INPP4B: variants seen among roughly 807,000 people sequenced by gnomAD.
The protein encoded by INPP4B is inositol polyphosphate-4-phosphatase type II B.
INPP4B carries 55 observed loss-of-function variants against 122.5 expected under a neutral mutation model. The ratio of observed to expected loss-of-function variants is 0.45; its 90% confidence interval spans 0.36 to 0.56. The LOEUF (loss-of-function observed/expected upper bound fraction) is 0.56. INPP4B is among the 20% of genes least tolerant of loss of function. The pLI is 0.00. For missense variants in INPP4B, 1,000 were observed against 1,097.7 expected, an observed-to-expected ratio of 0.91 and a Z score of 1.26; for synonymous variants, 403 against 388.7, an observed-to-expected ratio of 1.04 and a Z score of -0.43.
intron 7 of INPP4B, among the ~76,000 whole-genome samples, chr4:142,392,293 A>G (rs1282823989): frequency 6.6e-6 from 1 of 152,190 alleles, no homozygotes; most frequent in Non-Finnish European, 1.5e-5. Flanking sequence ...AAAGACTTCT[A>G]CTATCTTAAG....
At chr4:142,125,404 C>T (rs1798236293) in intron 18 of INPP4B, among the ~76,000 whole-genome samples, 1 of 151,946 alleles carries the variant, frequency 6.6e-6, no homozygotes, top group South Asian at 2.1e-4. Flanking sequence ...AAAGTTCAAA[C>T]TCATGAAAGA....
chr4:142,477,237 C>A (rs979506216), intron 2 of INPP4B, among the ~76,000 whole-genome samples: 3 of 152,136 alleles, frequency 2.0e-5, no homozygotes, highest in Non-Finnish European at 4.4e-5. Context: ...TCAAGAAATT[C>A]TTTGAAACTA....
rs573833377 is a variant in INPP4B, at chr4:142,244,275, G to T, written c.689-6264C>A. Among the ~76,000 whole-genome samples the T allele has an allele frequency of 2.1e-5, 3 of 144,012 alleles. No homozygotes were observed. The East Asian group carries it at 6.0e-4, about 29-fold the overall frequency. 94.5% of individuals were successfully genotyped at this position (144,012 alleles called of 152,430 possible). On this transcript the variant is annotated intron_variant, in intron 11 of 25. Coordinates refer to ENST00000262992, the MANE Select transcript of INPP4B (RefSeq NM_001101669.3). ...TTTTATGGCTACATGGTATTCCATG[G>T]TGTATATGTGCCTTTTTTTTTTTTT...
intron 2 of INPP4B, among the ~76,000 whole-genome samples, chr4:142,590,971 G>A (rs1362788434): frequency 6.6e-6 from 1 of 150,910 alleles, no homozygotes; most frequent in Non-Finnish European, 1.5e-5. Flanking sequence ...AAGTATAGAA[G>A]GTGAGGCTGG....
intron 7 of INPP4B, among the ~76,000 whole-genome samples, chr4:142,319,376 G>A (rs1283545699): frequency 6.6e-6 from 1 of 152,138 alleles, no homozygotes; most frequent in East Asian, 1.9e-4. Context: ...AAAAGAAAGT[G>A]TTACTCTAAT....
At chr4:142,314,814 A>G (rs1766874662) in intron 7 of INPP4B, 52 bp from the exon 8 acceptor site, 2 of 1,426,636 alleles carry the variant, frequency 1.4e-6, no homozygotes, top group African/African-American at 2.9e-5. Flanking sequence ...CTAGTGCAGA[A>G]GCCTCGCACA....
intron 2 of INPP4B, among the ~76,000 whole-genome samples, chr4:142,511,549 A>T (rs1222248906): frequency 1.3e-5 from 2 of 152,138 alleles, no homozygotes; most frequent in African/African-American, 2.4e-5. Flanking sequence ...TAGTATAAGT[A>T]GATAGTGTGT....
At chr4:142,139,295 A>C (rs78734225) in intron 18 of INPP4B, among the ~76,000 whole-genome samples, 1,914 of 150,134 alleles carry the variant, frequency 0.013, 23 homozygotes, top group Non-Finnish European at 0.022. Context: ...GAGTTGTTCT[A>C]GTCTTTAATT....
chr4:142,524,827 CA>C (rs1414931788), intron 2 of INPP4B, among the ~76,000 whole-genome samples: 1 of 151,326 alleles, frequency 6.6e-6, no homozygotes, highest in African/African-American at 2.4e-5. Context: ...AAAACTGGCA[CA>C]AGACAGGGAT....
chr4:142,087,475 CAA>C (rs1299489956), intron 23 of INPP4B, among the ~76,000 whole-genome samples: 3 of 152,062 alleles, frequency 2.0e-5, no homozygotes, highest in South Asian at 2.1e-4. Context: ...GTGATAGAAA[CAA>C]AAAGACTGTC....
At chr4:142,619,771 C>A (rs964266685) in intron 2 of INPP4B, among the ~76,000 whole-genome samples, 3 of 151,788 alleles carry the variant, frequency 2.0e-5, no homozygotes, top group Non-Finnish European at 4.4e-5. Flanking sequence ...AGTGTTATTA[C>A]CACAGGAATA....
intron 2 of INPP4B, among the ~76,000 whole-genome samples, chr4:142,661,609 CAG>C (rs1458877990): frequency 2.0e-5 from 3 of 152,158 alleles, no homozygotes; most frequent in Non-Finnish European, 2.9e-5. Context: ...GCAATTTTTT[CAG>C]AGTTTAAATA....
chr4:142,312,045 T>C (rs1765705915), intron 8 of INPP4B, among the ~76,000 whole-genome samples: 1 of 152,196 alleles, frequency 6.6e-6, no homozygotes, highest in African/African-American at 2.4e-5. Flanking sequence ...TTACTTGCCT[T>C]AGGGTACGTT....
intron 11 of INPP4B, among the ~76,000 whole-genome samples, chr4:142,246,137 T>C (rs549261668): frequency 6.1e-4 from 89 of 144,992 alleles, no homozygotes; most frequent in East Asian, 3.7e-3. Context: ...TACACACACA[T>C]ATATATATAC....
intron 25 of INPP4B, among the ~76,000 whole-genome samples, chr4:142,031,948 AAAT>A (rs1367915018): frequency 1.3e-5 from 2 of 152,176 alleles, no homozygotes; most frequent in Non-Finnish European, 2.9e-5. Context: ...AGGAATAGAA[AAAT>A]AATAACATCT....
chr4:142,249,030 TAA>T (rs1291925278), intron 11 of INPP4B, among the ~76,000 whole-genome samples: 4 of 152,024 alleles, frequency 2.6e-5, no homozygotes, highest in Non-Finnish European at 5.9e-5. Flanking sequence ...GTAGGTGGTT[TAA>T]CCCTATTTGG....
chr4:142,323,348 G>C (rs899413482), intron 7 of INPP4B, among the ~76,000 whole-genome samples: 1 of 151,936 alleles, frequency 6.6e-6, no homozygotes, highest in Non-Finnish European at 1.5e-5. Context: ...TTGGAAGAAT[G>C]CTCATGAGTG....
At chr4:142,471,544 C>A (rs1177851227) in intron 2 of INPP4B, among the ~76,000 whole-genome samples, 1 of 152,134 alleles carries the variant, frequency 6.6e-6, no homozygotes, top group African/African-American at 2.4e-5. Flanking sequence ...TTTTCTGATA[C>A]CATTGTTCAA....
At chr4:142,398,429 T>A (rs1579953637) in intron 7 of INPP4B, among the ~76,000 whole-genome samples, 8 of 65,266 alleles carry the variant, frequency 1.2e-4, no homozygotes, top group South Asian at 1.2e-3. Flanking sequence ...TATATATATA[T>A]ATATATATAT....
Sources: allele counts gnomAD v4.1 joint callset (sites outside exome capture counted in the v4.1 genomes callset), GRCh38; gene constraint gnomAD v4.1.1; transcripts MANE v1.5; gene names NCBI Gene and HGNC (gene_info 2026-07-23, HGNC 2026-07-21).